Variants in KANSL2 observed in about 807,000 individuals in gnomAD.
The protein encoded by KANSL2 is NSL complex protein NSL2.
A neutral mutation model predicts 55.6 loss-of-function variants in KANSL2; 34 were observed. The ratio of observed to expected loss-of-function variants is 0.61; its 90% CI spans 0.46 to 0.81. The LOEUF is 0.81. KANSL2 is among the 40% of genes least tolerant of loss of function. KANSL2 has a pLI of 0.00. For missense variants in KANSL2, 502 were observed against 609.9 expected (o/e 0.82, Z 1.86); for synonymous variants, 209 against 214.3 (o/e 0.98, Z 0.22).
At chr12:48,664,494 G>T (rs1939551526) in intron 7 of KANSL2, among the ~76,000 whole-genome samples, 1 of 151,326 alleles carries the variant, frequency 6.6e-6, no homozygotes, top group South Asian at 2.1e-4. Flanking sequence ...TAGCCAGGAT[G>T]GTCTCGACCT....
rs1408857391 is a variant in KANSL2, at chr12:48,653,399, C to T, written c.*645G>A. Reference sequence around the variant, plus strand: ...AAAGAAACTATATTCTCAAACAAAACATGCATTCAATTCAGGTGACTGTTT... The same window carrying T: ...AAAGAAACTATATTCTCAAACAAAATATGCATTCAATTCAGGTGACTGTTT... On this transcript the variant is annotated 3_prime_UTR_variant, in exon 10 of 10. Transcript: ENST00000420613. 6.6e-6 allele frequency: 1 copy of T among 152,604 alleles called. No homozygotes were observed. The highest frequency in any genetic ancestry group is 1.5e-5 in the Non-Finnish European group (1 of 68,032). 9.5% of individuals were successfully genotyped at this position (152,604 alleles called of 1,614,324 possible).
chr12:48,657,107 G>A (rs540717850), intron 8 of KANSL2, among the ~76,000 whole-genome samples: 10 of 152,278 alleles, frequency 6.6e-5, no homozygotes, highest in Admixed American at 6.5e-4. Context: ...CTCAGGCCGG[G>A]TGCAGTGGCT....
intron 4 of KANSL2, among the ~76,000 whole-genome samples, chr12:48,673,453 G>A (rs1420392577): frequency 6.6e-6 from 1 of 151,870 alleles, no homozygotes; most frequent in African/African-American, 2.4e-5. Flanking sequence ...CCAGCTACTC[G>A]GGAGGCTGGG....
In KANSL2 at chr12:48,669,190, G is replaced by C; in HGVS notation, c.792C>G (p.Tyr264Ter). The change falls in exon 6 of 10, where the codon TAC becomes TAG. Residue 264 changes from tyrosine to a stop codon, truncating the protein, a stop_gained. Coordinates refer to ENST00000420613, the MANE Select transcript of KANSL2 (RefSeq NM_017822.4). LOFTEE classifies it high-confidence loss of function. ...NLKRLKCLRRYRQRYGVEALL... is the reference protein window; with the variant it reads ...NLKRLKCLRR ...AGGCTTCCACTCCATAGCGCTGGCGGTATCGTCGCAGACATTTTAATCGCT... is the reference window on the plus strand; with the variant it reads ...AGGCTTCCACTCCATAGCGCTGGCGCTATCGTCGCAGACATTTTAATCGCT... 1 of 1,555,964 alleles carries C rather than the reference G, an allele frequency of 6.4e-7. No homozygotes were observed. Among genetic ancestry groups the C allele is most frequent in the Non-Finnish European group, 8.7e-7 (1 of 1,149,068 alleles).
intron 8 of KANSL2, chr12:48,656,595 C>T: frequency 2.6e-6 from 1 of 383,592 alleles, no homozygotes; most frequent in South Asian, 1.9e-5. Context: ...TTAAGCCTAA[C>T]ATAGTTTTGC....
chr12:48,660,668 A>C, intron 7 of KANSL2, 49 bp from the exon 8 acceptor site: 1 of 1,565,064 alleles, frequency 6.4e-7, no homozygotes, highest in Non-Finnish European at 8.7e-7. Flanking sequence ...TCGAAAGCAT[A>C]AAATACAAAT....
rs527672322 is a variant in KANSL2 at position 48,681,799 on chromosome 12, C to A, written c.-9-158G>T. The stretch of plus-strand genomic sequence containing the variant: ...GCCCTCCCCAAGTCTCCACAGGCAT[C>A]TGTGGCTTTGCCTCCCTTTAGCGTG... On this transcript the variant is annotated intron_variant, in intron 1 of 9. Coordinates refer to ENST00000420613, the MANE Select transcript of KANSL2 (RefSeq NM_017822.4). The A allele has an allele frequency of 3.4e-6, 3 of 893,928 alleles. No homozygotes were observed. In the African/African-American group the frequency reaches 4.9e-5, roughly 15 times the overall value. 55.4% of individuals were successfully genotyped at this position (893,928 alleles called of 1,614,324 possible).
Position 48,669,103 on chromosome 12 carries a change from T to TA in KANSL2, c.876+2dup. On this transcript the variant is annotated splice_region_variant and intron_variant, in intron 6 of 9. Coordinates refer to ENST00000420613, the MANE Select transcript of KANSL2 (RefSeq NM_017822.4). ...ATACCTTAAAGGTATACACACAAAT[T>TA]ACCTGTTGGGCAGCACCATCTGTGG... The TA allele has an allele frequency of 1.3e-6, 2 of 1,533,804 alleles. No homozygotes were observed. The highest frequency in any genetic ancestry group is 1.8e-6 in the Non-Finnish European group (2 of 1,140,492).
At chr12:48,672,254 A>G (rs1277895423) in intron 4 of KANSL2, among the ~76,000 whole-genome samples, 1 of 151,810 alleles carries the variant, frequency 6.6e-6, no homozygotes, top group Non-Finnish European at 1.5e-5. Context: ...GGAACACTTT[A>G]AACTTTTATT....
At chr12:48,672,433 A>ATACGTATATATATATATATATTTTTTT (rs371918890) in intron 4 of KANSL2, among the ~76,000 whole-genome samples, 2 of 120,384 alleles carry the variant, frequency 1.7e-5, no homozygotes, top group African/African-American at 3.6e-5. Flanking sequence ...ATATATATAT[A>ATACGTATATATATATATATATTTTTTT]TTTTTTTTTT....
chr12:48,671,026 G>T (rs1283445529), intron 5 of KANSL2, among the ~76,000 whole-genome samples: 6 of 152,268 alleles, frequency 3.9e-5, no homozygotes, highest in Non-Finnish European at 4.4e-5. Context: ...CACTTTGGGA[G>T]GCCAAGGTAG....
At chr12:48,663,562 T>A (rs79765246) in intron 7 of KANSL2, among the ~76,000 whole-genome samples, 2,702 of 152,218 alleles carry the variant, frequency 0.018, 89 homozygotes, top group African/African-American at 0.062. Context: ...CACTTCCCCC[T>A]CCACTTAACA....
Position 48,681,634 on chromosome 12 carries a change from A to T in KANSL2, c.-2T>A, listed in dbSNP as rs1376535303. On this transcript the variant is annotated 5_prime_UTR_variant, in exon 2 of 10. Transcript: ENST00000420613. ...GACGTGAATCCGAATCCTGTTCATA[A>T]CCAAAACCTGCGGGGTCAAACGAAA... The T allele has an allele frequency of 1.2e-6, 2 of 1,613,876 alleles. No individual in the cohort carries two copies. Among genetic ancestry groups the T allele is most frequent in the Non-Finnish European group, 1.7e-6 (2 of 1,179,910 alleles).
At chr12:48,665,426 G>A (rs757841031) in intron 7 of KANSL2, among the ~76,000 whole-genome samples, 1 of 152,052 alleles carries the variant, frequency 6.6e-6, no homozygotes, top group Non-Finnish European at 1.5e-5. Flanking sequence ...AGCTGGGCAC[G>A]GTGGCAGGCA....
At chr12:48,656,791 C>A (rs774553417) in intron 8 of KANSL2, 3 of 496,072 alleles carry the variant, frequency 6.0e-6, no homozygotes, top group South Asian at 4.5e-5. Context: ...TAAGGCAATA[C>A]AAACTCAAAC....
At chr12:48,664,572 C>G (rs1226449598) in intron 7 of KANSL2, among the ~76,000 whole-genome samples, 14 of 139,898 alleles carry the variant, frequency 1.0e-4, no homozygotes, top group African/African-American at 3.8e-4. Flanking sequence ...GCCACCGCAC[C>G]TGGCCTTTTT....
chr12:48,674,695 G>A (rs190092697), intron 4 of KANSL2, among the ~76,000 whole-genome samples: 151 of 152,234 alleles, frequency 9.9e-4, no homozygotes, highest in African/African-American at 3.5e-3. Flanking sequence ...CAAGGCCAAG[G>A]TGGGTGGATC....
intron 4 of KANSL2, among the ~76,000 whole-genome samples, chr12:48,674,945 A>G (rs1020462676): frequency 6.6e-6 from 1 of 150,546 alleles, no homozygotes; most frequent in African/African-American, 2.4e-5. Context: ...AAAATTAAAT[A>G]AAATAAACAA....
At chr12:48,667,374 C>A in intron 7 of KANSL2, 1 of 335,626 alleles carries the variant, frequency 3.0e-6, no homozygotes, top group South Asian at 2.8e-5. Context: ...AACCTTGAGA[C>A]AATTACAAAT....
Sources: gnomAD v4.1 joint callset for allele counts (sites outside exome capture counted in the v4.1 genomes callset) on GRCh38, gnomAD v4.1.1 for gene constraint, MANE v1.5 for transcripts, NCBI Gene and HGNC (gene_info 2026-07-23, HGNC 2026-07-21) for gene names.